Variants in FMNL2 observed in about 807,000 individuals in gnomAD.
FMNL2 encodes formin-like protein 2.
Under a neutral mutation model 130.2 loss-of-function variants are expected in FMNL2, and 51 were observed. The observed-to-expected ratio is 0.39, with a 90% CI of 0.31 to 0.49. The LOEUF is 0.49. Among genes scored for constraint, FMNL2 ranks in the 20% least tolerant of loss-of-function variants. The pLI is 0.85. For synonymous variants in FMNL2, 465 were observed against 467.1 expected (o/e 1.00, Z 0.06); for missense variants, 977 against 1,316.2 (o/e 0.74, Z 3.99).
At chr2:152,593,869 G>A (rs1458460872) in intron 9 of FMNL2, among the ~76,000 whole-genome samples, 3 of 78,268 alleles carry the variant, frequency 3.8e-5, no homozygotes, top group Non-Finnish European at 2.7e-5. Context: ...GAGTGTGTGT[G>A]TGTGTGTGTG....
At chr2:152,578,076 T>TC (rs1257676152) in intron 7 of FMNL2, among the ~76,000 whole-genome samples, 3 of 152,146 alleles carry the variant, frequency 2.0e-5, no homozygotes, top group Non-Finnish European at 2.9e-5. Flanking sequence ...GAGGAAGGAC[T>TC]CATGGGAGGG....
rs1158945690 is a variant in FMNL2, at chr2:152,569,745, C to A, written c.597-5391C>A. 2.7e-5 allele frequency among the ~76,000 whole-genome samples: 4 copies of A among 149,396 alleles called. No individual in the cohort carries two copies. The East Asian group carries it at 5.9e-4, about 22-fold the overall frequency. On this transcript the variant is annotated intron_variant, in intron 6 of 25. Coordinates refer to ENST00000288670, the MANE Select transcript of FMNL2 (RefSeq NM_052905.4). ...ATACTTGTGGCTGGGCATGGTGGCT[C>A]ACATCTGTAATCTCAGCATTTGGGA...
chr2:152,544,992 G>A (rs55803108), intron 3 of FMNL2, among the ~76,000 whole-genome samples: 24,823 of 152,114 alleles, frequency 0.16, 2,133 homozygotes, highest in Middle Eastern at 0.19. Context: ...CTTCATTCCC[G>A]ACATTTCTGC....
chr2:152,495,532 C>G (rs1217707810), intron 1 of FMNL2, among the ~76,000 whole-genome samples: 2 of 151,364 alleles, frequency 1.3e-5, no homozygotes, highest in Non-Finnish European at 2.9e-5. Context: ...TTACTATAAT[C>G]CCAGCTACTT....
chr2:152,539,721 A>G (rs760390023), intron 2 of FMNL2, among the ~76,000 whole-genome samples: 2 of 152,170 alleles, frequency 1.3e-5, no homozygotes, highest in Non-Finnish European at 2.9e-5. Flanking sequence ...AGGACCAGCA[A>G]ATGTATGTAT....
Position 152,630,734 on chromosome 2 carries a change from G to A in FMNL2, c.2550+829G>A, listed in dbSNP as rs115143114. Among the ~76,000 whole-genome samples the A allele has an allele frequency of 4.7e-3, 720 of 152,236 alleles. 8 individuals carry two copies. The highest frequency in any genetic ancestry group is 3.5e-3 in the Non-Finnish European group (241 of 68,002). On this transcript the variant is annotated intron_variant, in intron 20 of 25. Transcript: ENST00000288670. ...CTTCACAGGCTAGGAAATAAGGGAG[G>A]GCCTAAGCTAAATGTAAAAACTGGA...
chr2:152,590,660 A>T (rs1029334702), intron 9 of FMNL2, among the ~76,000 whole-genome samples: 5 of 152,062 alleles, frequency 3.3e-5, no homozygotes, highest in African/African-American at 1.2e-4. Context: ...TCAAATAGTT[A>T]TGAAGTGCTG....
chr2:152,507,949 A>C (rs1026981731), intron 1 of FMNL2, among the ~76,000 whole-genome samples: 10 of 152,262 alleles, frequency 6.6e-5, no homozygotes, highest in African/African-American at 1.9e-4. Context: ...AAAATTCTGG[A>C]GTTATTTCAG....
chr2:152,491,519 C>G (rs988710593), intron 1 of FMNL2, among the ~76,000 whole-genome samples: 6 of 152,188 alleles, frequency 3.9e-5, no homozygotes, highest in African/African-American at 1.4e-4. Flanking sequence ...AAATTGACCA[C>G]AAGAAATTTC....
intron 11 of FMNL2, among the ~76,000 whole-genome samples, chr2:152,614,160 C>T (rs1698824851): frequency 1.3e-5 from 2 of 152,230 alleles, no homozygotes; most frequent in Admixed American, 6.5e-5. Context: ...ACACTCCAGT[C>T]TTTTCCACTA....
intron 1 of FMNL2, among the ~76,000 whole-genome samples, chr2:152,496,099 CA>C (rs1379278129): frequency 1.3e-5 from 2 of 152,074 alleles, no homozygotes; most frequent in African/African-American, 4.8e-5. Context: ...GTGTGATGAT[CA>C]AAACTAGGAA....
rs533846319 is a variant in FMNL2 at position 152,618,996 on chromosome 2, G to T, written c.1465G>T (p.Gly489Trp). ...CATTAAAATTCAGAAGAAAGGGGAT[G>T]GGGATATCGCCATACTGCCAGTTGT... ...GTIKIQKKGD[G>W]DIAILPVVAS... The change falls in exon 14 of 26, where the codon GGG (glycine) becomes TGG (tryptophan). Residue 489 changes from glycine to tryptophan, a missense_variant. Gly to Trp is a radical substitution (Grantham distance 184). Around this residue, in one of 4 missense-constraint regions of FMNL2, gnomAD observed 689 missense variants for 995.9 expected, o/e 0.69. Transcript: ENST00000288670. 6.2e-7 allele frequency: 1 copy of T among 1,614,076 alleles called. No individual in the cohort carries two copies. The highest frequency in any genetic ancestry group is 1.1e-5 in the South Asian group (1 of 91,084).
At chr2:152,413,392 C>T (rs1480308350) in intron 1 of FMNL2, among the ~76,000 whole-genome samples, 4 of 152,068 alleles carry the variant, frequency 2.6e-5, no homozygotes, top group Non-Finnish European at 5.9e-5. Flanking sequence ...GGAAAGTTTG[C>T]TGCACCTAAC....
chr2:152,421,025 C>T (rs778551949), intron 1 of FMNL2, among the ~76,000 whole-genome samples: 44 of 152,210 alleles, frequency 2.9e-4, no homozygotes, highest in Non-Finnish European at 5.6e-4. Context: ...TATGTGGGGA[C>T]ATTTTGGAAA....
At chr2:152,360,839 A>G (rs1683124428) in intron 1 of FMNL2, among the ~76,000 whole-genome samples, 1 of 152,210 alleles carries the variant, frequency 6.6e-6, no homozygotes, top group South Asian at 2.1e-4. Context: ...TTGTAATACA[A>G]TATTGAAGCA....
At chr2:152,337,906 C>T (rs1157866068) in intron 1 of FMNL2, among the ~76,000 whole-genome samples, 2 of 152,136 alleles carry the variant, frequency 1.3e-5, no homozygotes, top group African/African-American at 4.8e-5. Context: ...ACCATTGATG[C>T]GTTCCTTGTC....
intron 4 of FMNL2, among the ~76,000 whole-genome samples, chr2:152,556,417 C>T (rs1305758047): frequency 6.6e-6 from 1 of 152,150 alleles, no homozygotes; most frequent in African/African-American, 2.4e-5. Context: ...AGGCAGCAGG[C>T]TGTTACCTTT....
At chr2:152,490,735 G>GGAA (rs150293553) in intron 1 of FMNL2, among the ~76,000 whole-genome samples, 6,341 of 140,310 alleles carry the variant, frequency 0.045, 198 homozygotes, top group Non-Finnish European at 0.074. Flanking sequence ...TGGAGTTTAA[G>GGAA]GAAAAAAAAA....
chr2:152,397,222 A>G (rs571197699), intron 1 of FMNL2, among the ~76,000 whole-genome samples: 2 of 152,218 alleles, frequency 1.3e-5, no homozygotes, highest in South Asian at 4.1e-4. Flanking sequence ...CCATTAATAA[A>G]TGAAAGAACT....
Sources: gnomAD v4.1 joint callset for allele counts (sites outside exome capture counted in the v4.1 genomes callset) on GRCh38, gnomAD v4.1.1 for gene constraint, gnomAD v4.1.1 regional missense constraint, MANE v1.5 for transcripts, NCBI Gene and HGNC (gene_info 2026-07-23, HGNC 2026-07-21) for gene names.